TSHZ1: variants seen among roughly 807,000 people sequenced by gnomAD.
The protein encoded by TSHZ1 is teashirt homolog 1.
TSHZ1 carries 12 observed loss-of-function variants against 67.1 expected under a neutral mutation model. That is an observed-to-expected ratio of 0.18 (90% confidence interval 0.11 to 0.29). The LOEUF is 0.29. Among genes scored for constraint, TSHZ1 ranks in the 10% least tolerant of loss-of-function variants. The pLI, the probability that TSHZ1 is intolerant of heterozygous loss-of-function variation, is 1.00. For synonymous variants in TSHZ1, 632 were observed against 622.4 expected (o/e 1.02, Z -0.23); for missense variants, 1,305 against 1,413.9 (o/e 0.92, Z 1.23).
intron 1 of TSHZ1, among the ~76,000 whole-genome samples, chr18:75,277,901 TC>T (rs2023634148): frequency 4.6e-5 from 7 of 152,182 alleles, no homozygotes; most frequent in Admixed American, 4.6e-4. Context: ...CAGTGGTTGT[TC>T]CAGTGGGGAA....
chr18:75,212,395 G>A (rs1039470338), intron 1 of TSHZ1, among the ~76,000 whole-genome samples: 1 of 114,730 alleles, frequency 8.7e-6, no homozygotes, highest in Admixed American at 9.0e-5. Context: ...CTGTGCAAGA[G>A]GCCCCCCGCC....
intron 1 of TSHZ1, among the ~76,000 whole-genome samples, chr18:75,225,362 C>T (rs975587805): frequency 2.6e-5 from 4 of 152,182 alleles, no homozygotes; most frequent in Non-Finnish European, 4.4e-5. Context: ...TGAGGCCTGG[C>T]GGTAGGTGAG....
At chr18:75,221,270 C>T (rs770969880) in intron 1 of TSHZ1, 3 of 152,128 alleles carry the variant, frequency 2.0e-5, no homozygotes, top group Non-Finnish European at 4.4e-5. Flanking sequence ...CAGGCTGACT[C>T]GAGTTTTAGA....
rs182205325 is a variant in TSHZ1, at chr18:75,222,780, G to A, written c.40+10864G>A. ...TCGAATCCAGTAGGTGCCCGTGTAC[G>A]TGGTAACCTAATCCCAAGGTTCTCA... On this transcript the variant is annotated intron_variant, in intron 1 of 1. Transcript: ENST00000580243. 1.4e-3 allele frequency among the ~76,000 whole-genome samples: 220 copies of A among 152,266 alleles called. 1 individual carries two copies. Among genetic ancestry groups the A allele is most frequent in the African/African-American group, 5.0e-3 (207 of 41,538 alleles).
chr18:75,237,937 C>T (rs1273866933), intron 1 of TSHZ1, among the ~76,000 whole-genome samples: 1 of 152,164 alleles, frequency 6.6e-6, no homozygotes, highest in Admixed American at 6.5e-5. Context: ...CTCAGCCTCC[C>T]GAGTAGCTGG....
At chr18:75,218,833 T>A (rs566297629) in intron 1 of TSHZ1, among the ~76,000 whole-genome samples, 1 of 152,350 alleles carries the variant, frequency 6.6e-6, no homozygotes, top group Admixed American at 6.5e-5. Flanking sequence ...AGGCGGAGCC[T>A]CCCAGACCCT....
At chr18:75,280,929 A>C in intron 1 of TSHZ1, 148 of 589,816 alleles carry the variant, frequency 2.5e-4, no homozygotes, top group South Asian at 3.7e-4. Context: ...CCAGTAGCTC[A>C]CACCAGGCAG....
chr18:75,238,047 C>T (rs1418461770), intron 1 of TSHZ1, among the ~76,000 whole-genome samples: 1 of 152,118 alleles, frequency 6.6e-6, no homozygotes, highest in Non-Finnish European at 1.5e-5. Context: ...GTGATCCGCC[C>T]ACCTTGGCCT....
At chr18:75,218,055 T>A (rs1301016527) in intron 1 of TSHZ1, among the ~76,000 whole-genome samples, 1 of 152,236 alleles carries the variant, frequency 6.6e-6, no homozygotes, top group Non-Finnish European at 1.5e-5. Flanking sequence ...TGTGCACTAT[T>A]GTTGAATCAT....
At position 75,287,497 on chromosome 18, in the gene TSHZ1, C is replaced by T; in HGVS notation, c.2090C>T (p.Ala697Val). The change falls in exon 2 of 2, where the codon GCC (alanine) becomes GTC (valine). Residue 697 changes from alanine (A) to valine (V), a missense_variant. Around this residue, in one of 3 missense-constraint regions of TSHZ1, gnomAD observed 909 missense variants for 961.8 expected, o/e 0.95. Transcript: ENST00000580243. The surrounding 1 kb of genome is among the most constrained non-coding windows in gnomAD (Gnocchi z 5.0). The part of the protein sequence containing the change: ...SGKPQKKGPE[A>V]ETGKAKKEGP... ...AAACCACAGAAGAAGGGCCCTGAGG[C>T]CGAGACTGGGAAGGCCAAAAAGGAG... The T allele has an allele frequency of 6.2e-7, 1 of 1,614,222 alleles. No individual in the cohort carries two copies. The highest frequency in any genetic ancestry group is 8.5e-7 in the Non-Finnish European group (1 of 1,180,048).
At chr18:75,269,957 G>C (rs992456367) in intron 1 of TSHZ1, among the ~76,000 whole-genome samples, 7 of 152,206 alleles carry the variant, frequency 4.6e-5, no homozygotes. Flanking sequence ...TCTGTAGCCT[G>C]TCATAGCGGA....
At chr18:75,213,820 T>G (rs1422380144) in intron 1 of TSHZ1, among the ~76,000 whole-genome samples, 9 of 152,122 alleles carry the variant, frequency 5.9e-5, no homozygotes, top group African/African-American at 2.2e-4. Flanking sequence ...GCTTAGTGTT[T>G]CCATTCTTTC....
chr18:75,238,629 G>A (rs1218200719), intron 1 of TSHZ1, among the ~76,000 whole-genome samples: 1 of 151,780 alleles, frequency 6.6e-6, no homozygotes. Flanking sequence ...TTTCTGCAGG[G>A]TTTAGTGCTG....
intron 1 of TSHZ1, among the ~76,000 whole-genome samples, chr18:75,260,655 G>T (rs1232449833): frequency 6.6e-6 from 1 of 152,230 alleles, no homozygotes; most frequent in Non-Finnish European, 1.5e-5. Flanking sequence ...GCAGAGGGCA[G>T]AGTTGGGGAG....
intron 1 of TSHZ1, among the ~76,000 whole-genome samples, chr18:75,274,749 G>A (rs992612678): frequency 1.1e-4 from 17 of 151,972 alleles, no homozygotes; most frequent in African/African-American, 3.9e-4. Flanking sequence ...TTTTAAAAAC[G>A]GCATCTTGTA....
chr18:75,237,862 G>A (rs1426529625), intron 1 of TSHZ1, among the ~76,000 whole-genome samples: 2 of 151,472 alleles, frequency 1.3e-5, no homozygotes, highest in Non-Finnish European at 2.9e-5. Flanking sequence ...GCCCAGGCTG[G>A]AGTGCAGTGG....
intron 1 of TSHZ1, among the ~76,000 whole-genome samples, chr18:75,228,311 G>A (rs762927530): frequency 1.3e-5 from 2 of 152,200 alleles, no homozygotes; most frequent in Non-Finnish European, 2.9e-5. Context: ...CGTGAATGGT[G>A]CAACAGACTC....
intron 1 of TSHZ1, among the ~76,000 whole-genome samples, chr18:75,275,394 C>T (rs1404167819): frequency 6.6e-6 from 1 of 152,074 alleles, no homozygotes; most frequent in African/African-American, 2.4e-5. Flanking sequence ...ACTGGGTTAT[C>T]AGGCAGCAGT....
intron 1 of TSHZ1, among the ~76,000 whole-genome samples, chr18:75,267,737 T>A (rs2023507194): frequency 6.6e-6 from 1 of 152,208 alleles, no homozygotes; most frequent in South Asian, 2.1e-4. Context: ...TGCTTGAGTA[T>A]GAGAAAGATG....
Sources: allele counts gnomAD v4.1 joint callset (sites outside exome capture counted in the v4.1 genomes callset), GRCh38; gene constraint gnomAD v4.1.1; regional missense constraint gnomAD v4.1.1; non-coding constraint Gnocchi (gnomAD v3.1); transcripts MANE v1.5; gene names NCBI Gene and HGNC (gene_info 2026-07-23, HGNC 2026-07-21).